PSMB7: variants seen among roughly 807,000 people sequenced by gnomAD.
The protein encoded by PSMB7 is proteasome 20S subunit beta 7.
A neutral mutation model predicts 28.1 loss-of-function variants in PSMB7; 5 were observed. That is an observed-to-expected ratio of 0.18 (90% confidence interval 0.09 to 0.37). The LOEUF is 0.37. Among genes scored for constraint, PSMB7 ranks in the 10% least tolerant of loss-of-function variants. The pLI is 1.00. For missense variants in PSMB7, 275 were observed against 346.2 expected (o/e 0.79, Z 1.63); for synonymous variants, 122 against 123.7 (o/e 0.99, Z 0.09).
intron 6 of PSMB7, among the ~76,000 whole-genome samples, chr9:124,374,375 G>A (rs1223935952): frequency 6.6e-6 from 1 of 152,156 alleles, no homozygotes; most frequent in Non-Finnish European, 1.5e-5. Flanking sequence ...GTTAGAACAG[G>A]TGAACTGCAT....
intron 6 of PSMB7, among the ~76,000 whole-genome samples, chr9:124,381,625 A>AG (rs762377748): frequency 6.6e-6 from 1 of 152,250 alleles, no homozygotes; most frequent in Non-Finnish European, 1.5e-5. Context: ...CTCCCTGGAA[A>AG]GAAGGAAAAT....
At chr9:124,396,182 AG>A (rs1279265454) in intron 5 of PSMB7, among the ~76,000 whole-genome samples, 1 of 152,244 alleles carries the variant, frequency 6.6e-6, no homozygotes, top group Non-Finnish European at 1.5e-5. Context: ...GCCATCTTAA[AG>A]TGCACTAATT....
chr9:124,366,322 T>C (rs1325919029), intron 6 of PSMB7, among the ~76,000 whole-genome samples: 7 of 152,168 alleles, frequency 4.6e-5, no homozygotes, highest in African/African-American at 1.7e-4. Context: ...GAGAATCGCT[T>C]GAACCTGGAG....
At chr9:124,361,196 TAAATG>T (rs1281450589) in intron 6 of PSMB7, among the ~76,000 whole-genome samples, 7 of 152,354 alleles carry the variant, frequency 4.6e-5, no homozygotes, top group African/African-American at 1.7e-4. Flanking sequence ...CCCTGCTTCT[TAAATG>T]AGATTACAAT....
chr9:124,377,025 A>G (rs191748976), intron 6 of PSMB7, among the ~76,000 whole-genome samples: 134 of 152,350 alleles, frequency 8.8e-4, no homozygotes, highest in Non-Finnish European at 1.6e-3. Context: ...ATATCATGCT[A>G]TAAATTCACC....
At chr9:124,363,231 T>A (rs1830478934) in intron 6 of PSMB7, among the ~76,000 whole-genome samples, 1 of 152,252 alleles carries the variant, frequency 6.6e-6, no homozygotes, top group Admixed American at 6.5e-5. Flanking sequence ...CAGTCCCAAC[T>A]GGAGACCATT....
At chr9:124,410,070 A>T (rs1831012888) in intron 4 of PSMB7, among the ~76,000 whole-genome samples, 1 of 148,916 alleles carries the variant, frequency 6.7e-6, no homozygotes, top group South Asian at 2.1e-4. Context: ...GTACAGTGGC[A>T]CAATCTCGGC....
chr9:124,413,945 T>C lies in PSMB7; in HGVS notation c.217A>G (p.Asn73Asp), dbSNP rs745569327. Reference sequence around the variant, plus strand: ...GATATGAAGTGTATTTTTGAACAGTTCTTGTCAGCAACAACCATCCCTTCA... The same window carrying C: ...GATATGAAGTGTATTTTTGAACAGTCCTTGTCAGCAACAACCATCCCTTCA... Reference protein sequence around the residue: ...ATEGMVVADKNCSKIHFISPN... With the variant: ...ATEGMVVADKDCSKIHFISPN... Residue 73 changes from asparagine to aspartate, a missense_variant, in exon 3 of 8, where the codon AAC becomes GAC. By Grantham distance (23) the Asn-to-Asp change is conservative. Coordinates refer to ENST00000259457, the MANE Select transcript of PSMB7 (RefSeq NM_002799.4). The C allele has an allele frequency of 6.2e-7, 1 of 1,612,988 alleles. No homozygotes were observed. Among genetic ancestry groups the C allele is most frequent in the Non-Finnish European group, 8.5e-7 (1 of 1,179,278 alleles).
intron 5 of PSMB7, among the ~76,000 whole-genome samples, chr9:124,393,796 T>C (rs1588578329): frequency 6.6e-6 from 1 of 152,246 alleles, no homozygotes; most frequent in African/African-American, 2.4e-5. Flanking sequence ...TTTTATTTCA[T>C]TAATGCATTT....
intron 6 of PSMB7, among the ~76,000 whole-genome samples, chr9:124,365,660 T>C (rs1234575596): frequency 6.6e-6 from 1 of 152,210 alleles, no homozygotes; most frequent in African/African-American, 2.4e-5. Flanking sequence ...AGGCTGGCTA[T>C]AGTGGCTCAC....
intron 7 of PSMB7, among the ~76,000 whole-genome samples, chr9:124,354,926 C>T (rs564590860): frequency 6.6e-6 from 1 of 152,364 alleles, no homozygotes; most frequent in East Asian, 1.9e-4. Flanking sequence ...GCATTCAGAG[C>T]TTCCGCCTTA....
chr9:124,387,749 T>C (rs1479683926), intron 5 of PSMB7, among the ~76,000 whole-genome samples: 2 of 152,252 alleles, frequency 1.3e-5, no homozygotes, highest in African/African-American at 2.4e-5. Context: ...AACAGGTTTG[T>C]AGATACCTCT....
At chr9:124,394,938 T>G (rs1830825716) in intron 5 of PSMB7, among the ~76,000 whole-genome samples, 1 of 152,154 alleles carries the variant, frequency 6.6e-6, no homozygotes, top group Non-Finnish European at 1.5e-5. Context: ...ACTGCACATT[T>G]TAAATCTTCT....
intron 5 of PSMB7, among the ~76,000 whole-genome samples, chr9:124,388,209 C>T (rs1830745459): frequency 6.6e-6 from 1 of 152,196 alleles, no homozygotes; most frequent in Non-Finnish European, 1.5e-5. Context: ...AAAGCAGAGA[C>T]ATCTTAGACA....
At chr9:124,357,142 A>T (rs1941985463) in intron 6 of PSMB7, among the ~76,000 whole-genome samples, 1 of 152,208 alleles carries the variant, frequency 6.6e-6, no homozygotes, top group Admixed American at 6.5e-5. Flanking sequence ...TCTTGACCAC[A>T]TCAGACAATC....
intron 6 of PSMB7, among the ~76,000 whole-genome samples, chr9:124,373,694 G>A (rs1411386161): frequency 1.3e-5 from 2 of 152,076 alleles, no homozygotes; most frequent in Non-Finnish European, 2.9e-5. Flanking sequence ...ACACCCACCA[G>A]GATGACTACA....
chr9:124,407,043 A>G (rs1018034464), intron 4 of PSMB7, among the ~76,000 whole-genome samples: 1 of 152,226 alleles, frequency 6.6e-6, no homozygotes, highest in Admixed American at 6.5e-5. Context: ...TTGTCAACAT[A>G]AATTGCTCTC....
intron 6 of PSMB7, among the ~76,000 whole-genome samples, chr9:124,363,281 G>GT (rs770681588): frequency 1.8e-4 from 28 of 152,230 alleles, no homozygotes; most frequent in Non-Finnish European, 4.0e-4. Context: ...TGAACACGAT[G>GT]TGTTTGTTGG....
At chr9:124,389,136 A>G (rs1830757492) in intron 5 of PSMB7, among the ~76,000 whole-genome samples, 2 of 152,254 alleles carry the variant, frequency 1.3e-5, no homozygotes, top group African/African-American at 4.8e-5. Flanking sequence ...TAGGCTGAAT[A>G]TAAGACAAAC....
Sources: allele counts gnomAD v4.1 joint callset (sites outside exome capture counted in the v4.1 genomes callset), GRCh38; gene constraint gnomAD v4.1.1; transcripts MANE v1.5; gene names NCBI Gene and HGNC (gene_info 2026-07-23, HGNC 2026-07-21).